The following SEMA3E variants were observed in gnomAD, a reference collection of about 807,000 sequenced individuals.
SEMA3E encodes semaphorin 3E.
A neutral mutation model predicts 93.6 loss-of-function variants in SEMA3E; 49 were observed. The observed-to-expected ratio is 0.52, with a 90% CI of 0.42 to 0.66. The LOEUF is 0.66. Ranked by LOEUF, SEMA3E falls within the 30% of genes least tolerant of loss-of-function variation. SEMA3E has a pLI of 0.00. For synonymous variants in SEMA3E, 363 were observed against 330.7 expected (o/e 1.10, Z -1.06); for missense variants, 906 against 964.8 (o/e 0.94, Z 0.81).
At chr7:83,493,715 G>C (rs1790431282) in intron 1 of SEMA3E, among the ~76,000 whole-genome samples, 1 of 151,882 alleles carries the variant, frequency 6.6e-6, no homozygotes, top group Admixed American at 6.6e-5. Flanking sequence ...TCAGTAGGTA[G>C]ACATTATTTT....
intron 9 of SEMA3E, among the ~76,000 whole-genome samples, chr7:83,403,493 T>C (rs906795088): frequency 1.3e-5 from 2 of 151,988 alleles, no homozygotes; most frequent in African/African-American, 4.8e-5. Flanking sequence ...GTGGCAAGTT[T>C]TATTGAAGAT....
intron 15 of SEMA3E, among the ~76,000 whole-genome samples, chr7:83,386,734 GTTTC>G (rs769797154): frequency 1.3e-5 from 2 of 152,074 alleles, no homozygotes; most frequent in Non-Finnish European, 2.9e-5. Flanking sequence ...TTGTTCTAGG[GTTTC>G]TTTGTTTTAA....
At chr7:83,552,523 G>A (rs576847169) in intron 1 of SEMA3E, among the ~76,000 whole-genome samples, 8 of 152,248 alleles carry the variant, frequency 5.3e-5, no homozygotes, top group African/African-American at 1.9e-4. Flanking sequence ...TGGGCAAAAA[G>A]AGCCATATTT....
At chr7:83,564,973 A>G (rs1204203750) in intron 1 of SEMA3E, among the ~76,000 whole-genome samples, 1 of 152,210 alleles carries the variant, frequency 6.6e-6, no homozygotes, top group Non-Finnish European at 1.5e-5. Context: ...AAGAAAAGAG[A>G]GAAGAATCAA....
intron 1 of SEMA3E, among the ~76,000 whole-genome samples, chr7:83,598,489 G>C (rs923769712): frequency 2.6e-5 from 4 of 152,030 alleles, no homozygotes; most frequent in Non-Finnish European, 5.9e-5. Context: ...AGTGACCTTG[G>C]GTTTTATTCA....
intron 1 of SEMA3E, among the ~76,000 whole-genome samples, chr7:83,617,585 T>TATATAA (rs1793406473): frequency 6.8e-6 from 1 of 146,860 alleles, no homozygotes; most frequent in Non-Finnish European, 1.5e-5. Context: ...TAATATATAA[T>TATATAA]TTTATATAAA....
intron 1 of SEMA3E, among the ~76,000 whole-genome samples, chr7:83,634,752 C>T (rs1018575445): frequency 4.0e-5 from 6 of 151,810 alleles, no homozygotes; most frequent in African/African-American, 9.7e-5. Flanking sequence ...ATAATAAAAT[C>T]AATATTTTGG....
At chr7:83,441,008 T>C (rs999009908) in intron 4 of SEMA3E, among the ~76,000 whole-genome samples, 7 of 152,158 alleles carry the variant, frequency 4.6e-5, no homozygotes, top group African/African-American at 1.7e-4. Context: ...ATGGTAAACC[T>C]GGTTGTTTTG....
chr7:83,453,613 A>G (rs1451481443), intron 4 of SEMA3E, among the ~76,000 whole-genome samples: 1 of 152,152 alleles, frequency 6.6e-6, no homozygotes, highest in Non-Finnish European at 1.5e-5. Flanking sequence ...AATACTCATT[A>G]CCTTCTAACC....
At chr7:83,453,978 G>C (rs1048380943) in intron 4 of SEMA3E, among the ~76,000 whole-genome samples, 2 of 151,382 alleles carry the variant, frequency 1.3e-5, no homozygotes, top group Non-Finnish European at 2.9e-5. Flanking sequence ...ATAATTTTGG[G>C]CCGGGCGTGA....
chr7:83,432,752 G>T (rs1788916266), intron 4 of SEMA3E, among the ~76,000 whole-genome samples: 1 of 152,088 alleles, frequency 6.6e-6, no homozygotes, highest in African/African-American at 2.4e-5. Context: ...ATTTTATCAA[G>T]AAATTCTCCT....
chr7:83,377,874 C>A (rs11765320), intron 16 of SEMA3E, among the ~76,000 whole-genome samples: 108,815 of 151,832 alleles, frequency 0.72, 42,270 homozygotes, highest in South Asian at 0.9. Flanking sequence ...TACAGAAATA[C>A]TTCAACTATA....
At chr7:83,448,892 TTGACTTATTATGGACAC>T (rs935496263) in intron 4 of SEMA3E, among the ~76,000 whole-genome samples, 4 of 152,176 alleles carry the variant, frequency 2.6e-5, no homozygotes, top group African/African-American at 9.6e-5. Context: ...TTCTTTGTAA[TTGACTTATTATGGACAC>T]TGCCCCTTAT....
chr7:83,580,845 A>C lies in SEMA3E; in HGVS notation c.115+67583T>G, dbSNP rs550998497. ...ATATAAGGCACTAAATGCTGTGAAT[A>C]TTTGTTCAATAAATACAGTTACCAA... On this transcript the variant is annotated intron_variant, in intron 1 of 16. Transcript: ENST00000643230. Among the ~76,000 whole-genome samples the C allele has an allele frequency of 2.6e-5, 4 of 152,092 alleles. No individual in the cohort carries two copies. In the East Asian group the frequency reaches 7.7e-4, roughly 29 times the overall value.
intron 1 of SEMA3E, among the ~76,000 whole-genome samples, chr7:83,567,896 T>C (rs1202296999): frequency 1.3e-5 from 2 of 150,526 alleles, no homozygotes; most frequent in East Asian, 2.0e-4. Context: ...AAAGAAATAA[T>C]AAAGATCAGA....
chr7:83,611,966 C>CAAATTTT (rs1793275464), intron 1 of SEMA3E, among the ~76,000 whole-genome samples: 1 of 152,086 alleles, frequency 6.6e-6, no homozygotes, highest in African/African-American at 2.4e-5. Flanking sequence ...CTGCTTTCAT[C>CAAATTTT]TCCCACTGTC....
intron 2 of SEMA3E, among the ~76,000 whole-genome samples, chr7:83,473,275 G>C (rs1789941466): frequency 6.6e-6 from 1 of 152,178 alleles, no homozygotes; most frequent in Non-Finnish European, 1.5e-5. Context: ...AGAGACCTTA[G>C]TTAAGAAGGA....
chr7:83,627,058 G>A (rs1481324183), intron 1 of SEMA3E, among the ~76,000 whole-genome samples: 1 of 152,216 alleles, frequency 6.6e-6, no homozygotes, highest in Admixed American at 6.5e-5. Context: ...TGATTGCACT[G>A]TGGTCTGAGA....
At chr7:83,408,586 T>G in intron 5 of SEMA3E, 99 bp from the exon 6 acceptor site, 4 of 1,277,294 alleles carry the variant, frequency 3.1e-6, no homozygotes, top group Non-Finnish European at 4.4e-6. Context: ...ATATGTACTT[T>G]ATGACATTAA....
Sources: gnomAD v4.1 joint callset for allele counts (sites outside exome capture counted in the v4.1 genomes callset) on GRCh38, gnomAD v4.1.1 for gene constraint, MANE v1.5 for transcripts, NCBI Gene and HGNC (gene_info 2026-07-23, HGNC 2026-07-21) for gene names.